CLEC16A: variants seen among roughly 807,000 people sequenced by gnomAD.
CLEC16A encodes protein CLEC16A.
A neutral mutation model predicts 109.5 loss-of-function variants in CLEC16A; 51 were observed. The observed-to-expected ratio is 0.47, with a 90% CI of 0.37 to 0.59. CLEC16A has a LOEUF of 0.59. CLEC16A is among the 20% of genes least tolerant of loss of function. The probability of loss-of-function intolerance (pLI) is 0.00; values close to 1 mark genes in which losing one functional copy is unlikely to be tolerated. For synonymous variants in CLEC16A, 673 were observed against 564.2 expected, an observed-to-expected ratio of 1.19 and a Z score of -2.73; for missense variants, 1,339 against 1,394.0, an observed-to-expected ratio of 0.96 and a Z score of 0.63.
At chr16:10,986,129 C>A (rs933872343) in intron 10 of CLEC16A, among the ~76,000 whole-genome samples, 1 of 145,920 alleles carries the variant, frequency 6.9e-6, no homozygotes, top group Non-Finnish European at 1.5e-5. Context: ...CTCCCGGGTT[C>A]ACGCCATTCT....
At position 10,985,220 on chromosome 16, in the gene CLEC16A, A is replaced by AATATATATAT. The variant is rs57265284; in HGVS notation, c.1071+2237_1071+2246dup. ...TCCATCTCAAAAAAAAAAAAAAAAAAATATATATATATATATAGTGCCCAT... is the reference window on the plus strand; with the variant it reads ...TCCATCTCAAAAAAAAAAAAAAAAAAATATATATATATATATATATATATATAGTGCCCAT... On this transcript the variant is annotated intron_variant, in intron 10 of 23. Transcript: ENST00000409790. 1.3e-3 allele frequency among the ~76,000 whole-genome samples: 138 copies of AATATATATAT among 104,038 alleles called. 1 individual carries two copies. The Middle Eastern group carries it at 0.016, about 12-fold the overall frequency. 68.3% of individuals were successfully genotyped at this position (104,038 alleles called of 152,430 possible).
At chr16:10,964,896 C>A (rs7188928) in intron 3 of CLEC16A, among the ~76,000 whole-genome samples, 36,344 of 151,870 alleles carry the variant, frequency 0.24, 6,382 homozygotes, top group African/African-American at 0.5. Context: ...GTGTGTGCAC[C>A]TTGGGTGATG....
At chr16:11,015,603 C>A (rs545458709) in intron 11 of CLEC16A, among the ~76,000 whole-genome samples, 2 of 152,038 alleles carry the variant, frequency 1.3e-5, no homozygotes, top group Non-Finnish European at 2.9e-5. Flanking sequence ...GGTGGGATGC[C>A]CTGGAAAATT....
At position 10,947,360 on chromosome 16, in the gene CLEC16A, G is replaced by A. The variant is rs895711888; in HGVS notation, c.80+2563G>A. Among the ~76,000 whole-genome samples, 5 of 151,702 alleles carry A rather than the reference G, an allele frequency of 3.3e-5. No individual in the cohort carries two copies. The South Asian group carries it at 6.2e-4, about 19-fold the overall frequency. On this transcript the variant is annotated intron_variant, in intron 1 of 23. Coordinates refer to ENST00000409790, the MANE Select transcript of CLEC16A (RefSeq NM_015226.3). ...TCCCTGAGGGAGTTTGCAGGCTGGT[G>A]GGGGAGACAGCTGTAGAGCCAGTGA...
In CLEC16A at chr16:11,166,413, C is replaced by T; in HGVS notation, c.2667C>T (p.Asn889=). 6.2e-7 allele frequency: 1 copy of T among 1,605,236 alleles called. No homozygotes were observed. The highest frequency in any genetic ancestry group is 1.1e-5 in the South Asian group (1 of 90,944). ...VPGFAVAQCI[N]QHSSPSLSSQ... is the part of the protein sequence containing the mutation. Reference sequence around the variant, plus strand: ...GCTTCGCCGTGGCCCAGTGCATAAACCAGCACAGCTCCCCGTCCCTGTCCT... The same window carrying T: ...GCTTCGCCGTGGCCCAGTGCATAAATCAGCACAGCTCCCCGTCCCTGTCCT... The change falls in exon 23 of 24, where the codon AAC becomes AAT. Residue 889 remains asparagine, a synonymous_variant. Coordinates refer to ENST00000409790, the MANE Select transcript of CLEC16A (RefSeq NM_015226.3).
At chr16:11,069,922 AC>A (rs1313699237) in intron 19 of CLEC16A, among the ~76,000 whole-genome samples, 1 of 152,178 alleles carries the variant, frequency 6.6e-6, no homozygotes, top group Non-Finnish European at 1.5e-5. Context: ...CAAATACGAC[AC>A]CATTTTATAT....
In CLEC16A at chr16:10,979,353, C is replaced by T; in HGVS notation, c.928C>T (p.Leu310=). 1 of 1,613,138 alleles carries T rather than the reference C, an allele frequency of 6.2e-7. No homozygotes were observed. Among genetic ancestry groups the T allele is most frequent in the Non-Finnish European group, 8.5e-7 (1 of 1,179,626 alleles). ...GGGAGGAGAACGGCCGAAAATTAGC[C>T]TGCCGGTGTCTCTTTATCTTCTGTC... is the stretch of plus-strand genomic sequence containing the variant. ...DKGGERPKIS[L]PVSLYLLSQV... Residue 310 remains leucine, a synonymous_variant, in exon 9 of 24, where the codon CTG becomes TTG. Coordinates refer to ENST00000409790, the MANE Select transcript of CLEC16A (RefSeq NM_015226.3).
intron 11 of CLEC16A, 125 bp from the exon 12 acceptor site, chr16:11,020,068 T>A: frequency 8.8e-7 from 1 of 1,130,740 alleles, no homozygotes; most frequent in Non-Finnish European, 1.2e-6. Flanking sequence ...AGGTCGCTGC[T>A]GTCGGACATG....
At chr16:11,102,249 A>G (rs1215103570) in intron 19 of CLEC16A, among the ~76,000 whole-genome samples, 1 of 152,196 alleles carries the variant, frequency 6.6e-6, no homozygotes, top group Non-Finnish European at 1.5e-5. Flanking sequence ...TGCTGATAAG[A>G]TTGCGTTTCA....
chr16:11,104,861 G>A (rs2152990488), intron 19 of CLEC16A, among the ~76,000 whole-genome samples: 1 of 152,300 alleles, frequency 6.6e-6, no homozygotes, highest in African/African-American at 2.4e-5. Context: ...GGGGTAGAGA[G>A]ACCCTGACCA....
rs542800494 is a variant in CLEC16A at position 10,977,599 on chromosome 16, C to T, written c.903+200C>T. Among the ~76,000 whole-genome samples the T allele has an allele frequency of 2.6e-5, 4 of 152,230 alleles. No individual in the cohort carries two copies. In the East Asian group the frequency reaches 5.8e-4, roughly 22 times the overall value. ...TGCGATCTTGGCTCACTGCAACCTC[C>T]GCCTCCTGAATTCAAGTAATTCTCC... On this transcript the variant is annotated intron_variant, in intron 8 of 23. Transcript: ENST00000409790.
At chr16:11,095,073 A>T (rs12919083) in intron 19 of CLEC16A, among the ~76,000 whole-genome samples, 1 of 151,030 alleles carries the variant, frequency 6.6e-6, no homozygotes, top group East Asian at 1.9e-4. Flanking sequence ...TTATTTGAAC[A>T]GTTGCTAATC....
chr16:11,018,166 G>T (rs527474702), intron 11 of CLEC16A, among the ~76,000 whole-genome samples: 3 of 151,816 alleles, frequency 2.0e-5, no homozygotes, highest in Admixed American at 1.3e-4. Context: ...AATTAGCCGG[G>T]TGTGCTGGCA....
chr16:10,958,889 G>A (rs2042118773), intron 2 of CLEC16A, among the ~76,000 whole-genome samples: 1 of 152,022 alleles, frequency 6.6e-6, no homozygotes, highest in African/African-American at 2.4e-5. Flanking sequence ...GGGTGACAGA[G>A]TGAGACCATG....
chr16:11,159,314 G>A (rs903465548), intron 22 of CLEC16A, among the ~76,000 whole-genome samples: 1 of 152,206 alleles, frequency 6.6e-6, no homozygotes, highest in African/African-American at 2.4e-5. Flanking sequence ...CTCAGTGTGC[G>A]TGTGTCTATT....
chr16:10,984,409 G>A (rs780777386), intron 10 of CLEC16A, among the ~76,000 whole-genome samples: 1 of 152,216 alleles, frequency 6.6e-6, no homozygotes. Flanking sequence ...CAGCAGTGTT[G>A]ATGGAGCTCT....
At position 11,001,635 on chromosome 16, in the gene CLEC16A, A is replaced by G. The variant is rs1443976784; in HGVS notation, c.1072-1439A>G. 7.9e-5 allele frequency among the ~76,000 whole-genome samples: 12 copies of G among 152,218 alleles called. No homozygotes were observed. In the South Asian group the frequency reaches 1.7e-3, roughly 21 times the overall value. On this transcript the variant is annotated intron_variant, in intron 10 of 23. Transcript: ENST00000409790. ...TTGTTATAAAGACTGAGATATACTA[A>G]TATGAAGCATGAACCACAGTTGACA...
chr16:11,001,309 A>C (rs1040379227), intron 10 of CLEC16A, among the ~76,000 whole-genome samples: 1 of 152,070 alleles, frequency 6.6e-6, no homozygotes, highest in African/African-American at 2.4e-5. Flanking sequence ...TGGTCTTCAA[A>C]TCCTTGGCTC....
chr16:11,133,331 T>C (rs943096209), intron 22 of CLEC16A, among the ~76,000 whole-genome samples: 1 of 150,740 alleles, frequency 6.6e-6, no homozygotes, highest in Non-Finnish European at 1.5e-5. Context: ...AGAGTGAGAC[T>C]CTGTCTCAAA....
Sources: allele counts gnomAD v4.1 joint callset (sites outside exome capture counted in the v4.1 genomes callset), GRCh38; gene constraint gnomAD v4.1.1; transcripts MANE v1.5; gene names NCBI Gene and HGNC (gene_info 2026-07-23, HGNC 2026-07-21).